Variants in TBC1D7 observed in about 807,000 individuals in gnomAD.
TBC1D7 encodes the protein TBC1 domain family member 7, also known as TBC domain family 7.
Under a neutral mutation model 35.3 loss-of-function variants are expected in TBC1D7, and 33 were observed. The observed-to-expected ratio is 0.93, with a 90% CI of 0.71 to 1.25. The LOEUF (loss-of-function observed/expected upper bound fraction) is 1.25. Among genes scored for constraint, TBC1D7 ranks in the 50% most tolerant of loss-of-function variants. The pLI is 0.00. For missense variants in TBC1D7, 362 were observed against 365.3 expected (o/e 0.99, Z 0.07); for synonymous variants, 135 against 129.5 (o/e 1.04, Z -0.29).
Position 13,308,721 on chromosome 6 carries a change from G to T in TBC1D7, c.520-976C>A, listed in dbSNP as rs577808574. On this transcript the variant is annotated intron_variant, in intron 5 of 7. Transcript: ENST00000379300. ...ACCTCTCTGCTTCTGTTAAAGAGGA[G>T]ATTCATCACCTTTACAATGTCCACT... 2.0e-5 allele frequency among the ~76,000 whole-genome samples: 3 copies of T among 152,310 alleles called. No individual in the cohort carries two copies. In the South Asian group the frequency reaches 6.2e-4, roughly 32 times the overall value.
At chr6:13,323,282 G>A (rs1323754317) in intron 3 of TBC1D7, among the ~76,000 whole-genome samples, 3 of 152,058 alleles carry the variant, frequency 2.0e-5, no homozygotes, top group African/African-American at 4.8e-5. Flanking sequence ...GAACCCGGGA[G>A]GCAGAGGTTG....
intron 6 of TBC1D7, 50 bp downstream of exon 6, chr6:13,307,550 A>C: frequency 6.3e-7 from 1 of 1,599,430 alleles, no homozygotes; most frequent in South Asian, 1.1e-5. Context: ...AAAGGCCAGA[A>C]CTCTGCTCTA....
chr6:13,321,061 C>T lies in TBC1D7; in HGVS notation c.228G>A (p.Lys76=). Reference sequence around the variant, plus strand: ...ACTGCTCCTTACGATACATCATCACCTTGGCATGGGACTCGTGGTGTGGAG... The same window carrying T: ...ACTGCTCCTTACGATACATCATCACTTTGGCATGGGACTCGTGGTGTGGAG... ...ILPPHHESHA[K]VMMYRKEQYL... is the part of the protein sequence containing the mutation. The change falls in exon 4 of 8, where the codon AAG becomes AAA. Residue 76 remains lysine (K), a synonymous_variant. Coordinates refer to ENST00000379300, the MANE Select transcript of TBC1D7 (RefSeq NM_016495.6). The T allele has an allele frequency of 6.2e-7, 1 of 1,613,994 alleles. No homozygotes were observed. Among genetic ancestry groups the T allele is most frequent in the South Asian group, 1.1e-5 (1 of 91,072 alleles).
At chr6:13,324,230 C>T (rs1219600114) in intron 3 of TBC1D7, among the ~76,000 whole-genome samples, 3 of 151,902 alleles carry the variant, frequency 2.0e-5, no homozygotes, top group East Asian at 1.9e-4. Context: ...CGGGTTCAAG[C>T]GATTCTCCTT....
At chr6:13,319,844 T>C (rs1199706659) in intron 4 of TBC1D7, 1 of 152,184 alleles carries the variant, frequency 6.6e-6, no homozygotes, top group Admixed American at 6.5e-5. Context: ...ACATAGCAGT[T>C]TTAAAGTGTC....
At chr6:13,323,069 T>C (rs565024087) in intron 3 of TBC1D7, among the ~76,000 whole-genome samples, 2 of 152,096 alleles carry the variant, frequency 1.3e-5, no homozygotes, top group Non-Finnish European at 2.9e-5. Context: ...TAAAGAAAGG[T>C]GGGCCGAGCG....
At chr6:13,315,185 GTCCCCTTAAACA>G (rs1783518162) in intron 5 of TBC1D7, among the ~76,000 whole-genome samples, 2 of 152,050 alleles carry the variant, frequency 1.3e-5, no homozygotes, top group Admixed American at 6.5e-5. Flanking sequence ...AATTGCAAAG[GTCCCCTTAAACA>G]TGGATTTTCT....
At chr6:13,305,915 C>T (rs1468867118) in intron 7 of TBC1D7, 1 of 162,046 alleles carries the variant, frequency 6.2e-6, no homozygotes, top group Non-Finnish European at 1.3e-5. Context: ...ACAAAAATTA[C>T]TCATTGTAAA....
At chr6:13,313,229 A>G (rs1197538262) in intron 5 of TBC1D7, among the ~76,000 whole-genome samples, 1 of 151,930 alleles carries the variant, frequency 6.6e-6, no homozygotes, top group Non-Finnish European at 1.5e-5. Context: ...CTATATACCA[A>G]TAACTCTTAC....
Position 13,328,523 on chromosome 6 carries a change from C to CGCTGCCGCTGCCGCTGCCGCT in TBC1D7, c.-237_-236insAGCGGCAGCGGCAGCGGCAGC, listed in dbSNP as rs1356378393. ...TCAGCGCCGCTGCCGCTGCCGCTGC[C>CGCTGCCGCTGCCGCTGCCGCT]GCCGCCGCCGGACGTGACATCAACT... On this transcript the variant is annotated 5_prime_UTR_variant, in exon 1 of 8. Coordinates refer to ENST00000379300, the MANE Select transcript of TBC1D7 (RefSeq NM_016495.6). 5.1e-5 allele frequency: 8 copies of CGCTGCCGCTGCCGCTGCCGCT among 157,946 alleles called. No individual in the cohort carries two copies. Among genetic ancestry groups the CGCTGCCGCTGCCGCTGCCGCT allele is most frequent in the Non-Finnish European group, 8.4e-5 (6 of 71,136 alleles). The allele number at this position is 157,946 out of a possible 1,614,324, so 9.8% of individuals were successfully genotyped here. A position where few individuals can be genotyped will look rare whatever the true frequency, so the allele number is the denominator to read the frequency against.
chr6:13,320,806 G>A (rs776030481), intron 4 of TBC1D7, 102 bp downstream of exon 4: 1 of 1,059,810 alleles, frequency 9.4e-7, no homozygotes, highest in Non-Finnish European at 1.5e-6. Context: ...TAACAACAGG[G>A]AGCCACCAAA....
chr6:13,310,110 C>T (rs1278870203), intron 5 of TBC1D7, among the ~76,000 whole-genome samples: 1 of 152,152 alleles, frequency 6.6e-6, no homozygotes, highest in Non-Finnish European at 1.5e-5. Flanking sequence ...GGGAATTTGG[C>T]AATATTTAGC....
intron 5 of TBC1D7, among the ~76,000 whole-genome samples, chr6:13,312,920 T>C (rs906910527): frequency 9.9e-5 from 15 of 152,054 alleles, no homozygotes; most frequent in Admixed American, 6.5e-5. Flanking sequence ...CTCATATCCA[T>C]GGACTCAACC....
At chr6:13,308,989 G>A (rs1783003023) in intron 5 of TBC1D7, among the ~76,000 whole-genome samples, 1 of 152,224 alleles carries the variant, frequency 6.6e-6, no homozygotes, top group South Asian at 2.1e-4. Context: ...GACCTCTGAA[G>A]AACAGACAGG....
intron 4 of TBC1D7, 36 bp from the exon 5 acceptor site, chr6:13,316,744 G>A (rs769179686): frequency 1.9e-6 from 3 of 1,608,608 alleles, no homozygotes; most frequent in Non-Finnish European, 1.7e-6. Flanking sequence ...GAGGAAGGCA[G>A]TGAAAGAGAG....
intron 4 of TBC1D7, chr6:13,318,811 C>A (rs1221476303): frequency 1.3e-5 from 2 of 152,116 alleles, no homozygotes; most frequent in Non-Finnish European, 2.9e-5. Flanking sequence ...CTAATACATG[C>A]AGAAAGAATG....
intron 3 of TBC1D7, among the ~76,000 whole-genome samples, chr6:13,321,524 C>T (rs768429420): frequency 1.6e-4 from 25 of 152,296 alleles, no homozygotes; most frequent in Non-Finnish European, 2.9e-4. Context: ...TCTTCTCTTC[C>T]CCAACAGTTA....
At chr6:13,306,168 AC>A (rs1725060836) in intron 7 of TBC1D7, 1 of 323,160 alleles carries the variant, frequency 3.1e-6, no homozygotes, top group Non-Finnish European at 5.6e-6. Flanking sequence ...GGAAAATCTC[AC>A]TTGCTAAAGT....
chr6:13,321,697 T>C (rs1295028329), intron 3 of TBC1D7, among the ~76,000 whole-genome samples: 2 of 152,226 alleles, frequency 1.3e-5, no homozygotes, highest in Admixed American at 6.5e-5. Flanking sequence ...GGAAACACAG[T>C]GGAAAGACCA....
Sources: allele counts gnomAD v4.1 joint callset (sites outside exome capture counted in the v4.1 genomes callset), GRCh38; gene constraint gnomAD v4.1.1; transcripts MANE v1.5; gene names NCBI Gene and HGNC (gene_info 2026-07-23, HGNC 2026-07-21).